SLC9A9: variants seen among roughly 807,000 people sequenced by gnomAD.
SLC9A9 encodes sodium/hydrogen exchanger 9.
A neutral mutation model predicts 77.8 loss-of-function variants in SLC9A9; 62 were observed. The ratio of observed to expected loss-of-function variants is 0.80; its 90% CI spans 0.65 to 0.98. The LOEUF (loss-of-function observed/expected upper bound fraction) is 0.98. Ranked by LOEUF, SLC9A9 falls within the 50% of genes least tolerant of loss-of-function variation. The pLI, the probability that SLC9A9 is intolerant of heterozygous loss-of-function variation, is 0.00. For missense variants in SLC9A9, 775 were observed against 774.9 expected, an observed-to-expected ratio of 1.00 and a Z score of 0.00; for synonymous variants, 320 against 283.5, an observed-to-expected ratio of 1.13 and a Z score of -1.29.
At chr3:143,616,500 GA>G (rs2038109662) in intron 6 of SLC9A9, among the ~76,000 whole-genome samples, 1 of 152,094 alleles carries the variant, frequency 6.6e-6, no homozygotes, top group Non-Finnish European at 1.5e-5. Flanking sequence ...GTTATCACTG[GA>G]TTATGGCATT....
At chr3:143,829,376 A>G (rs1259482541) in intron 2 of SLC9A9, among the ~76,000 whole-genome samples, 1 of 152,052 alleles carries the variant, frequency 6.6e-6, no homozygotes, top group Non-Finnish European at 1.5e-5. Context: ...AGCCCTCTTC[A>G]ATTCTTACCT....
chr3:143,326,614 T>C (rs1413615782), intron 14 of SLC9A9, among the ~76,000 whole-genome samples: 2 of 152,184 alleles, frequency 1.3e-5, no homozygotes. Flanking sequence ...TGGCTCCTTC[T>C]CATTTTCACT....
chr3:143,471,740 G>T (rs950641870), intron 11 of SLC9A9, among the ~76,000 whole-genome samples: 1 of 152,084 alleles, frequency 6.6e-6, no homozygotes, highest in Non-Finnish European at 1.5e-5. Flanking sequence ...TTTTAAATGG[G>T]TTTACTTTGC....
chr3:143,408,455 A>G (rs1466783726), intron 12 of SLC9A9, among the ~76,000 whole-genome samples: 1 of 152,244 alleles, frequency 6.6e-6, no homozygotes, highest in Non-Finnish European at 1.5e-5. Flanking sequence ...TGCTGCTATT[A>G]GCACTGTATA....
chr3:143,605,901 GT>G (rs559800401), intron 6 of SLC9A9, among the ~76,000 whole-genome samples: 3 of 152,264 alleles, frequency 2.0e-5, no homozygotes, highest in South Asian at 4.1e-4. Context: ...TTATAACAAT[GT>G]TTTAAACACA....
At chr3:143,572,071 C>A (rs932816495) in intron 8 of SLC9A9, among the ~76,000 whole-genome samples, 3 of 152,144 alleles carry the variant, frequency 2.0e-5, no homozygotes, top group Non-Finnish European at 4.4e-5. Flanking sequence ...GGTTCACACC[C>A]ATATTCACCC....
intron 6 of SLC9A9, among the ~76,000 whole-genome samples, chr3:143,589,565 A>G (rs146063514): frequency 1.3e-5 from 2 of 152,378 alleles, no homozygotes; most frequent in African/African-American, 4.8e-5. Context: ...GTTATACCAT[A>G]TAACCTAGCT....
At chr3:143,493,394 A>C (rs780541770) in intron 11 of SLC9A9, among the ~76,000 whole-genome samples, 14 of 152,182 alleles carry the variant, frequency 9.2e-5, no homozygotes, top group Admixed American at 2.0e-4. Flanking sequence ...GGAAAGTCCA[A>C]TGTCCACTCT....
At chr3:143,607,917 T>C (rs2037954395) in intron 6 of SLC9A9, among the ~76,000 whole-genome samples, 1 of 152,016 alleles carries the variant, frequency 6.6e-6, no homozygotes, top group Admixed American at 6.5e-5. Flanking sequence ...TATGTATAAT[T>C]TTCACAGGAG....
At chr3:143,643,829 G>A (rs1243805076) in intron 6 of SLC9A9, among the ~76,000 whole-genome samples, 1 of 152,126 alleles carries the variant, frequency 6.6e-6, no homozygotes. Context: ...ATGGGAATGT[G>A]ACTCAGATCT....
At chr3:143,616,640 G>T (rs2038112337) in intron 6 of SLC9A9, among the ~76,000 whole-genome samples, 1 of 152,144 alleles carries the variant, frequency 6.6e-6, no homozygotes, top group Admixed American at 6.6e-5. Context: ...AAATAATCGA[G>T]GTCTAGAAAG....
At chr3:143,616,345 T>G (rs2038107046) in intron 6 of SLC9A9, among the ~76,000 whole-genome samples, 1 of 152,056 alleles carries the variant, frequency 6.6e-6, no homozygotes, top group South Asian at 2.1e-4. Context: ...GTACAAAAAT[T>G]TATGACTGAA....
chr3:143,701,182 T>C (rs1029866379), intron 4 of SLC9A9, among the ~76,000 whole-genome samples: 1 of 152,140 alleles, frequency 6.6e-6, no homozygotes, highest in African/African-American at 2.4e-5. Context: ...CCAAGAAATA[T>C]GGGTACTATC....
rs201209479 is a variant in SLC9A9 at position 143,515,104 on chromosome 3, G to GT, written c.1090-19657dup. Reference sequence around the variant, plus strand: ...GGTGATTGGTTAGCCTAATTTCAGTGTTTTTGTGAATAGGGAGGCCAGAGA... The same window carrying GT: ...GGTGATTGGTTAGCCTAATTTCAGTGTTTTTTGTGAATAGGGAGGCCAGAGA... On this transcript the variant is annotated intron_variant, in intron 9 of 15. Coordinates refer to ENST00000316549, the MANE Select transcript of SLC9A9 (RefSeq NM_173653.4). Among the ~76,000 whole-genome samples, 1,194 of 152,272 alleles carry GT rather than the reference G, an allele frequency of 7.8e-3. 18 individuals carry two copies. The highest frequency in any genetic ancestry group is 0.027 in the African/African-American group (1,137 of 41,550).
At chr3:143,334,028 A>AAAC in intron 14 of SLC9A9, among the ~76,000 whole-genome samples, 1 of 152,236 alleles carries the variant, frequency 6.6e-6, no homozygotes, top group African/African-American at 2.4e-5. Context: ...ATTTGAAAAA[A>AAAC]TAATCTGCTA....
intron 11 of SLC9A9, among the ~76,000 whole-genome samples, chr3:143,492,330 T>C (rs1223563443): frequency 6.6e-6 from 1 of 151,580 alleles, no homozygotes; most frequent in Non-Finnish European, 1.5e-5. Flanking sequence ...CCACTCCAAC[T>C]TCTCACCTTC....
At chr3:143,393,764 A>T (rs1102958) in intron 12 of SLC9A9, among the ~76,000 whole-genome samples, 14 of 151,094 alleles carry the variant, frequency 9.3e-5, no homozygotes, top group Non-Finnish European at 2.1e-4. Context: ...AATGATAAAG[A>T]GGATATCACC....
intron 14 of SLC9A9, among the ~76,000 whole-genome samples, chr3:143,360,444 G>A (rs917397144): frequency 2.6e-5 from 4 of 152,104 alleles, no homozygotes; most frequent in African/African-American, 7.2e-5. Flanking sequence ...CAGGGGAGCC[G>A]CTGTTGCAGC....
chr3:143,509,717 T>A (rs951422129), intron 9 of SLC9A9, among the ~76,000 whole-genome samples: 4 of 152,196 alleles, frequency 2.6e-5, no homozygotes, highest in African/African-American at 9.7e-5. Context: ...CCTACAAAGA[T>A]CCCTGAGAAA....
Sources: allele counts gnomAD v4.1 joint callset (sites outside exome capture counted in the v4.1 genomes callset), GRCh38; gene constraint gnomAD v4.1.1; transcripts MANE v1.5; gene names NCBI Gene and HGNC (gene_info 2026-07-23, HGNC 2026-07-21).